RABL6: variants seen among roughly 807,000 people sequenced by gnomAD.
RABL6 encodes the protein rab-like protein 6.
RABL6 carries 28 observed loss-of-function variants against 72.9 expected under a neutral mutation model. The observed-to-expected ratio is 0.38, with a 90% CI of 0.28 to 0.53. RABL6 has a LOEUF of 0.53. Ranked by LOEUF, RABL6 falls within the 20% of genes least tolerant of loss-of-function variation. RABL6 has a pLI of 0.80. For missense variants in RABL6, 1,029 were observed against 1,008.4 expected (o/e 1.02, Z -0.28); for synonymous variants, 477 against 421.2 (o/e 1.13, Z -1.62).
intron 1 of RABL6, among the ~76,000 whole-genome samples, chr9:136,810,919 G>T (rs553484779): frequency 1.3e-5 from 2 of 152,198 alleles, no homozygotes; most frequent in Non-Finnish European, 2.9e-5. Context: ...GAGGGTTTTG[G>T]GGGTGAGAGT....
chr9:136,835,790 G>A lies in RABL6; in HGVS notation c.754G>A (p.Ala252Thr), dbSNP rs779587488. ...GGAGACGAACCAGCTGGACATGGAC[G>A]CCACGCTGGAGGAGCTGTCGGTGCA... ...QLETNQLDMDATLEELSVQQE... is the reference protein window; with the variant it reads ...QLETNQLDMDTTLEELSVQQE... Residue 252 changes from alanine (A) to threonine (T), a missense_variant, in exon 8 of 15, where the codon GCC becomes ACC. Transcript: ENST00000311502. 15 of 1,554,156 alleles carry A rather than the reference G, an allele frequency of 9.7e-6. No individual in the cohort carries two copies. The highest frequency in any genetic ancestry group is 5.8e-5 in the Admixed American group (3 of 51,510).
intron 3 of RABL6, chr9:136,827,942 G>C (rs1848392660): frequency 6.5e-6 from 1 of 153,072 alleles, no homozygotes; most frequent in Non-Finnish European, 1.5e-5. Context: ...GATGGCGGAG[G>C]CTCAGGGGGA....
At position 136,808,099 on chromosome 9, in the gene RABL6, G is replaced by T; in HGVS notation, c.-98G>T. 4.8e-6 allele frequency: 6 copies of T among 1,252,062 alleles called. No individual in the cohort carries two copies. The highest frequency in any genetic ancestry group is 2.5e-5 in the South Asian group (1 of 39,502). The allele number at this position is 1,252,062 out of a possible 1,614,324, so 77.6% of individuals were successfully genotyped here. A position where few individuals can be genotyped will look rare whatever the true frequency, so the allele number is the denominator to read the frequency against. On this transcript the variant is annotated 5_prime_UTR_variant, in exon 1 of 15. Transcript: ENST00000311502. The stretch of plus-strand genomic sequence containing the variant: ...TGGCCGCGCCGGCTCCGGCCTCCGG[G>T]GGGGCCGGGGCCGCCGGGACATGGT...
chr9:136,833,589 C>T lies in RABL6; in HGVS notation c.705+1219C>T, dbSNP rs1392137783. 7.6e-6 allele frequency: 10 copies of T among 1,322,994 alleles called. No individual in the cohort carries two copies. The African/African-American group carries it at 9.0e-5, about 12-fold the overall frequency. The allele number at this position is 1,322,994 out of a possible 1,614,324, so 82.0% of individuals were successfully genotyped here. A position where few individuals can be genotyped will look rare whatever the true frequency, so the allele number is the denominator to read the frequency against. ...GGCTGCCCCAGCTGGGTCTGGGGAC[C>T]TGAACCTCCTCGCCCTGGGCTGCCC... On this transcript the variant is annotated intron_variant, in intron 7 of 14. Coordinates refer to ENST00000311502, the MANE Select transcript of RABL6 (RefSeq NM_024718.5).
chr9:136,831,059 G>A (rs1848463035), intron 5 of RABL6: 2 of 154,862 alleles, frequency 1.3e-5, no homozygotes, highest in Middle Eastern at 1.0e-3. Flanking sequence ...AGAAAATGAA[G>A]TTAGAAACAG....
At chr9:136,831,548 G>C (rs1299667403) in intron 5 of RABL6, among the ~76,000 whole-genome samples, 173 bp from the exon 6 acceptor site, 1 of 152,130 alleles carries the variant, frequency 6.6e-6, no homozygotes, top group Non-Finnish European at 1.5e-5. Flanking sequence ...GGGTGCGAAG[G>C]CCCTCGAGGC....
chr9:136,822,735 C>G (rs1449573334), intron 1 of RABL6, among the ~76,000 whole-genome samples: 1 of 152,200 alleles, frequency 6.6e-6, no homozygotes, highest in Admixed American at 6.5e-5. Flanking sequence ...CCCGGGGCTA[C>G]CCGGCACACA....
chr9:136,822,003 G>C, intron 1 of RABL6: 1 of 1,289,748 alleles, frequency 7.8e-7, no homozygotes, highest in Non-Finnish European at 1.0e-6. Context: ...AGGTACCTAG[G>C]ATGGGCGAGG....
rs776813514 is a variant in RABL6, at chr9:136,831,760, C to T, written c.498C>T (p.Pro166=). 1.2e-6 allele frequency: 2 copies of T among 1,613,490 alleles called. No homozygotes were observed. Among genetic ancestry groups the T allele is most frequent in the Non-Finnish European group, 1.7e-6 (2 of 1,179,844 alleles). Residue 166 remains proline, a synonymous_variant, in exon 6 of 15, where the codon CCC becomes CCT. Transcript: ENST00000311502. ...TTCTCCGGGAGCTTCCAAAAGTGCC[C>T]ACCCACGTGCCAGTGTGCGTGCTGG... ...NYILRELPKV[P]THVPVCVLGN...
chr9:136,840,348 G>A lies in RABL6; in HGVS notation c.2016G>A (p.Lys672=). Residue 672 remains lysine (K), a synonymous_variant, in exon 15 of 15, where the codon AAG becomes AAA. Coordinates refer to ENST00000311502, the MANE Select transcript of RABL6 (RefSeq NM_024718.5). ...KEEEEKAAKK[K]SKHKKSKDKE... is the part of the protein sequence containing the mutation. The stretch of plus-strand genomic sequence containing the variant: ...AAGAAGAAAAAGCTGCCAAGAAGAA[G>A]AGCAAACACAAGAAGAGCAAGGACA... The A allele has an allele frequency of 1.9e-6, 3 of 1,566,094 alleles. No individual in the cohort carries two copies. Among genetic ancestry groups the A allele is most frequent in the Non-Finnish European group, 2.6e-6 (3 of 1,155,898 alleles).
chr9:136,821,738 C>T (rs1470977741), intron 1 of RABL6: 3 of 1,142,066 alleles, frequency 2.6e-6, no homozygotes, highest in Non-Finnish European at 3.3e-6. Context: ...GTGCTCTCCA[C>T]AGGCCGGGCC....
intron 7 of RABL6, chr9:136,834,004 G>A (rs780363400): frequency 2.4e-5 from 36 of 1,504,128 alleles, no homozygotes; most frequent in Middle Eastern, 1.7e-4. Flanking sequence ...GGGAGAGAAC[G>A]GGACCCTGGA....
At chr9:136,823,856 A>G (rs1261266159) in intron 2 of RABL6, among the ~76,000 whole-genome samples, 197 bp downstream of exon 2, 8 of 152,228 alleles carry the variant, frequency 5.3e-5, no homozygotes, top group African/African-American at 1.9e-4. Flanking sequence ...AGTGAGCTTC[A>G]TGAAGCCCCA....
chr9:136,834,350 G>A (rs945936249), intron 7 of RABL6: 24 of 998,616 alleles, frequency 2.4e-5, no homozygotes, highest in Middle Eastern at 1.0e-3. Flanking sequence ...TCTTCCAGTC[G>A]TCAGATATTT....
At chr9:136,819,482 T>C (rs1848195303) in intron 1 of RABL6, among the ~76,000 whole-genome samples, 1 of 152,034 alleles carries the variant, frequency 6.6e-6, no homozygotes. Context: ...CTCGAAAGAA[T>C]GTGAGATTCG....
chr9:136,834,677 C>T (rs997854274), intron 7 of RABL6, among the ~76,000 whole-genome samples: 6 of 152,102 alleles, frequency 3.9e-5, no homozygotes, highest in African/African-American at 1.2e-4. Flanking sequence ...CGGGGTTTTG[C>T]CATATTGGCC....
Position 136,831,878 on chromosome 9 carries a change from T to C in RABL6, c.599+17T>C. The C allele has an allele frequency of 1.9e-6, 3 of 1,599,632 alleles. No homozygotes were observed. Among genetic ancestry groups the C allele is most frequent in the Non-Finnish European group, 2.6e-6 (3 of 1,171,544 alleles). The stretch of plus-strand genomic sequence containing the variant: ...CCTGGACAGGTGGGTGCGGTGGCCC[T>C]GCTCCCGAGGGACCCTGCCCGGTGC... On this transcript the variant is annotated intron_variant, in intron 6 of 14. Coordinates refer to ENST00000311502, the MANE Select transcript of RABL6 (RefSeq NM_024718.5).
Position 136,826,744 on chromosome 9 carries a change from A to C in RABL6, c.313+918A>C, listed in dbSNP as rs371995884. On this transcript the variant is annotated intron_variant, in intron 3 of 14. Transcript: ENST00000311502. This position sits in a 1 kb window ranked among gnomAD's most constrained non-coding sequence, Gnocchi z 4.9. ...AGAGGTGGCCACCCACCGCCCTATCATTGTCCTCATCCCCACTGTGAGGAG... is the reference window on the plus strand; with the variant it reads ...AGAGGTGGCCACCCACCGCCCTATCCTTGTCCTCATCCCCACTGTGAGGAG... 2.6e-5 allele frequency: 4 copies of C among 152,088 alleles called. No homozygotes were observed. The highest frequency in any genetic ancestry group is 9.7e-5 in the African/African-American group (4 of 41,356). 9.4% of individuals were successfully genotyped at this position (152,088 alleles called of 1,614,324 possible). A position where few individuals can be genotyped will look rare whatever the true frequency, so the allele number is the denominator to read the frequency against.
intron 1 of RABL6, chr9:136,821,398 G>T: frequency 1.0e-6 from 1 of 985,450 alleles, no homozygotes; most frequent in Non-Finnish European, 1.2e-6. Context: ...CGCGTGGGCC[G>T]CCTGAGCGGT....
Sources: allele counts gnomAD v4.1 joint callset (sites outside exome capture counted in the v4.1 genomes callset), GRCh38; gene constraint gnomAD v4.1.1; non-coding constraint Gnocchi (gnomAD v3.1); transcripts MANE v1.5; gene names NCBI Gene and HGNC (gene_info 2026-07-23, HGNC 2026-07-21).